SPEF2: variants seen among roughly 807,000 people sequenced by gnomAD.
SPEF2 encodes the protein sperm flagellar and cilia associated 2.
In SPEF2, 187 loss-of-function variants were observed where a neutral mutation model predicts 224.6. The observed-to-expected ratio is 0.83, with a 90% CI of 0.74 to 0.94. SPEF2 has a LOEUF of 0.94. Among genes scored for constraint, SPEF2 ranks in the 40% least tolerant of loss-of-function variants. The pLI is 0.00. For synonymous variants in SPEF2, 715 were observed against 707.3 expected (o/e 1.01, Z -0.17); for missense variants, 2,170 against 2,135.6 (o/e 1.02, Z -0.32).
At position 35,774,801 on chromosome 5, in the gene SPEF2, C is replaced by T. The variant is rs1013437193; in HGVS notation, c.4078+780C>T. Among the ~76,000 whole-genome samples, 9 of 152,182 alleles carry T rather than the reference C, an allele frequency of 5.9e-5. 2 individuals carry two copies. The highest frequency in any genetic ancestry group is 1.9e-4 in the East Asian group (1 of 5,172). Reference sequence around the variant, plus strand: ...TCCCTTGTTTCTCTCATTTTCTCTCCCCTGTCCTTCCCATCTTACTACCAC... The same window carrying T: ...TCCCTTGTTTCTCTCATTTTCTCTCTCCTGTCCTTCCCATCTTACTACCAC... On this transcript the variant is annotated intron_variant, in intron 28 of 36. Transcript: ENST00000356031.
chr5:35,794,785 C>T (rs1218648141), intron 32 of SPEF2, among the ~76,000 whole-genome samples: 2 of 152,278 alleles, frequency 1.3e-5, no homozygotes, highest in East Asian at 3.9e-4. Flanking sequence ...AACTATTTTA[C>T]CAAAGGTGTG....
At chr5:35,752,174 G>C (rs1177766123) in intron 23 of SPEF2, among the ~76,000 whole-genome samples, 1 of 152,186 alleles carries the variant, frequency 6.6e-6, no homozygotes, top group African/African-American at 2.4e-5. Flanking sequence ...ACCTCCTGCT[G>C]TGTGGCCCAG....
In SPEF2 at chr5:35,740,239, C is replaced by T; in HGVS notation, c.3302C>T (p.Thr1101Ile). Residue 1101 changes from threonine to isoleucine, a missense_variant, in exon 23 of 37, where the codon ACA (threonine) becomes ATA (isoleucine). Transcript: ENST00000356031. The part of the protein sequence containing the change: ...LPDDLWDDEE[T>I]KAELHQRVND... ...GATGACCTGTGGGATGATGAGGAAA[C>T]AAAGGCTGAACTACATCAACGAGTG... 2 of 1,614,020 alleles carry T rather than the reference C, an allele frequency of 1.2e-6. No homozygotes were observed. Among genetic ancestry groups the T allele is most frequent in the Non-Finnish European group, 1.7e-6 (2 of 1,180,010 alleles).
chr5:35,766,407 G>C (rs1752094984), intron 26 of SPEF2, among the ~76,000 whole-genome samples: 1 of 151,954 alleles, frequency 6.6e-6, no homozygotes, highest in Non-Finnish European at 1.5e-5. Flanking sequence ...ATTTTGCTAA[G>C]AATTTTTCCA....
intron 30 of SPEF2, among the ~76,000 whole-genome samples, chr5:35,782,838 G>T (rs1754531549): frequency 6.6e-6 from 1 of 152,040 alleles, no homozygotes; most frequent in African/African-American, 2.4e-5. Context: ...GTCAAATTCT[G>T]CCACTTATGA....
At position 35,807,117 on chromosome 5, in the gene SPEF2, T is replaced by C; in HGVS notation, c.5257-14T>C. The stretch of plus-strand genomic sequence containing the variant: ...TGTGAGGTTGATTAACTTCATTTTT[T>C]TTCTTCCTTAAAGGGCTTCATAAAA... On this transcript the variant is annotated splice_polypyrimidine_tract_variant and intron_variant, in intron 35 of 36. Transcript: ENST00000356031. The C allele has an allele frequency of 6.3e-7, 1 of 1,598,126 alleles. No homozygotes were observed. Among genetic ancestry groups the C allele is most frequent in the Non-Finnish European group, 8.5e-7 (1 of 1,176,222 alleles).
chr5:35,675,658 T>C (rs1427398105), intron 10 of SPEF2: 3 of 251,896 alleles, frequency 1.2e-5, no homozygotes, highest in Non-Finnish European at 2.5e-5. Context: ...ACTACAGGCC[T>C]ACAGGCGCCC....
In SPEF2 at chr5:35,787,929, A is replaced by G. The variant is rs1024510135; in HGVS notation, c.4448-4411A>G. On this transcript the variant is annotated intron_variant, in intron 30 of 36. Transcript: ENST00000356031. ...AAGCAGAAAAGGCCGCAGAAGCTTG[A>G]CCATTATCTTCCAAAAAGAAGCCAT... 37 of 621,818 alleles carry G rather than the reference A, an allele frequency of 6.0e-5. No individual in the cohort carries two copies. The African/African-American group carries it at 6.6e-4, about 11-fold the overall frequency. The allele number at this position is 621,818 out of a possible 1,614,324, so 38.5% of individuals were successfully genotyped here. A position where few individuals can be genotyped will look rare whatever the true frequency, so the allele number is the denominator to read the frequency against.
Position 35,806,914 on chromosome 5 carries a change from T to A in SPEF2, c.5218T>A (p.Phe1740Ile). 6.2e-7 allele frequency: 1 copy of A among 1,611,864 alleles called. No homozygotes were observed. The highest frequency in any genetic ancestry group is 8.5e-7 in the Non-Finnish European group (1 of 1,179,386). ...GGSEAQDSNR[F>I]ASHLKIENIY... ...AAGTGAAGCACAGGACTCCAATAGA[T>A]TTGCCAGCCACCTAAAGATAGAGAA... The change falls in exon 35 of 37, where the codon TTT (phenylalanine) becomes ATT (isoleucine). Residue 1740 changes from phenylalanine to isoleucine, a missense_variant. Coordinates refer to ENST00000356031, the MANE Select transcript of SPEF2 (RefSeq NM_024867.4).
intron 4 of SPEF2, chr5:35,646,439 G>C: frequency 5.5e-6 from 2 of 365,508 alleles, no homozygotes. Context: ...ACATTTAATA[G>C]ATATGATTTG....
At chr5:35,711,714 T>G (rs914882416) in intron 19 of SPEF2, among the ~76,000 whole-genome samples, 4 of 149,454 alleles carry the variant, frequency 2.7e-5, no homozygotes, top group African/African-American at 7.4e-5. Flanking sequence ...ATTAACAAAG[T>G]CACCTGTCTT....
intron 8 of SPEF2, among the ~76,000 whole-genome samples, chr5:35,664,983 A>T (rs920498637): frequency 2.0e-5 from 3 of 152,160 alleles, no homozygotes; most frequent in African/African-American, 4.8e-5. Context: ...ACAGTTCCTG[A>T]TTTCAAATTT....
chr5:35,632,462 A>G (rs554423642), intron 2 of SPEF2, among the ~76,000 whole-genome samples: 3 of 152,200 alleles, frequency 2.0e-5, no homozygotes, highest in South Asian at 4.2e-4. Flanking sequence ...CCATGATCCA[A>G]TCACCTCCCA....
intron 12 of SPEF2, among the ~76,000 whole-genome samples, chr5:35,693,019 GGTCTA>G (rs1300224397): frequency 6.6e-6 from 1 of 152,094 alleles, no homozygotes; most frequent in Non-Finnish European, 1.5e-5. Context: ...GCCCCCTTTG[GGTCTA>G]GTAGCCATCA....
intron 10 of SPEF2, among the ~76,000 whole-genome samples, chr5:35,678,916 T>C (rs1285465197): frequency 6.6e-6 from 1 of 152,180 alleles, no homozygotes; most frequent in Non-Finnish European, 1.5e-5. Flanking sequence ...AACCACACTT[T>C]CTGCCTCTTC....
chr5:35,757,078 A>G (rs964839528), intron 24 of SPEF2, among the ~76,000 whole-genome samples: 1 of 152,050 alleles, frequency 6.6e-6, no homozygotes, highest in Non-Finnish European at 1.5e-5. Context: ...TTTAATAACT[A>G]TTAAAAATAT....
chr5:35,720,109 T>A (rs1743345818), intron 20 of SPEF2, among the ~76,000 whole-genome samples: 1 of 152,216 alleles, frequency 6.6e-6, no homozygotes, highest in African/African-American at 2.4e-5. Flanking sequence ...GAAAAATGGA[T>A]TTTTATTGCA....
intron 7 of SPEF2, among the ~76,000 whole-genome samples, chr5:35,657,551 A>G (rs1749131281): frequency 6.6e-6 from 1 of 152,018 alleles, no homozygotes; most frequent in Non-Finnish European, 1.5e-5. Context: ...ACAATTGAGT[A>G]TTAGGAGTGA....
chr5:35,661,463 G>A (rs1217190574), intron 8 of SPEF2, among the ~76,000 whole-genome samples: 1 of 150,772 alleles, frequency 6.6e-6, no homozygotes, highest in East Asian at 1.9e-4. Flanking sequence ...ATAAGTGCAG[G>A]TTTGTTACAT....
Sources: allele counts gnomAD v4.1 joint callset (sites outside exome capture counted in the v4.1 genomes callset), GRCh38; gene constraint gnomAD v4.1.1; transcripts MANE v1.5; gene names NCBI Gene and HGNC (gene_info 2026-07-23, HGNC 2026-07-21).